ADGRL2: variants seen among roughly 807,000 people sequenced by gnomAD.
The protein encoded by ADGRL2 is adhesion G protein-coupled receptor L2.
ADGRL2 carries 44 observed loss-of-function variants against 157.4 expected under a neutral mutation model. The ratio of observed to expected loss-of-function variants is 0.28; its 90% CI spans 0.22 to 0.36. ADGRL2 has a LOEUF of 0.36. Among genes scored for constraint, ADGRL2 ranks in the 10% least tolerant of loss-of-function variants. The pLI is 1.00. For missense variants in ADGRL2, 1,510 were observed against 1,768.9 expected (o/e 0.85, Z 2.63); for synonymous variants, 585 against 624.7 (o/e 0.94, Z 0.95).
chr1:81,587,384 T>C (rs1007920200), intron 3 of ADGRL2, among the ~76,000 whole-genome samples: 2 of 152,016 alleles, frequency 1.3e-5, no homozygotes, highest in African/African-American at 4.8e-5. Context: ...AAAAAGTTAA[T>C]AAATTAAGCT....
intron 2 of ADGRL2, among the ~76,000 whole-genome samples, chr1:81,791,436 T>C (rs2087340969): frequency 6.6e-6 from 1 of 152,142 alleles, no homozygotes; most frequent in Non-Finnish European, 1.5e-5. Flanking sequence ...GTTTACTGCA[T>C]GCCACAAAAA....
In ADGRL2 at chr1:81,763,238, G is replaced by A. The variant is rs575083309; in HGVS notation, c.-101+1386G>A. 2.6e-5 allele frequency among the ~76,000 whole-genome samples: 4 copies of A among 151,558 alleles called. No individual in the cohort carries two copies. The South Asian group carries it at 6.3e-4, about 24-fold the overall frequency. On this transcript the variant is annotated intron_variant, in intron 2 of 20. Transcript: ENST00000359929. ...AGCATATTTATTATTAGATAAATAC[G>A]TACATATAAAATTGGGAAATACTTC...
intron 1 of ADGRL2, among the ~76,000 whole-genome samples, chr1:81,755,714 T>A (rs1239448364): frequency 6.6e-6 from 1 of 152,146 alleles, no homozygotes; most frequent in Non-Finnish European, 1.5e-5. Context: ...CTACATTCTC[T>A]CTTCTTTAGC....
chr1:81,763,826 G>A (rs554671479), intron 2 of ADGRL2, among the ~76,000 whole-genome samples: 4 of 152,108 alleles, frequency 2.6e-5, no homozygotes, highest in African/African-American at 9.6e-5. Flanking sequence ...GGCTAACATG[G>A]TGAAACCCCG....
At chr1:81,827,386 G>C (rs750969200) in intron 1 of ADGRL2, among the ~76,000 whole-genome samples, 2 of 152,112 alleles carry the variant, frequency 1.3e-5, no homozygotes, top group Non-Finnish European at 2.9e-5. Flanking sequence ...CAGGGGTCTT[G>C]TCCAAACCTC....
At chr1:81,849,452 C>T (rs930513582) in intron 2 of ADGRL2, among the ~76,000 whole-genome samples, 5 of 151,806 alleles carry the variant, frequency 3.3e-5, no homozygotes, top group African/African-American at 4.8e-5. Flanking sequence ...TCCTAACTTA[C>T]GTGAGTAGAT....
In ADGRL2 at chr1:81,450,523, C is replaced by T. The variant is rs536927733; in HGVS notation, c.-248+5434C>T. Among the ~76,000 whole-genome samples, 152 of 152,214 alleles carry T rather than the reference C, an allele frequency of 1.0e-3. 1 individual carries two copies. Among genetic ancestry groups the T allele is most frequent in the African/African-American group, 3.6e-3 (151 of 41,544 alleles). On this transcript the variant is annotated intron_variant, in intron 2 of 24. Coordinates refer to the ADGRL2 transcript ENST00000370721. Reference sequence around the variant, plus strand: ...GCAGAGCCAGGATTTGAACCCACATCTCTCTGAGACCGAAGGCTGTGCTCT... The same window carrying T: ...GCAGAGCCAGGATTTGAACCCACATTTCTCTGAGACCGAAGGCTGTGCTCT...
chr1:81,825,317 G>A (rs1055453473), intron 1 of ADGRL2, among the ~76,000 whole-genome samples: 4 of 151,978 alleles, frequency 2.6e-5, no homozygotes, highest in Admixed American at 6.6e-5. Flanking sequence ...AGCTATGGTC[G>A]TGCCATTGCA....
chr1:81,777,824 C>A (rs1421667969), intron 2 of ADGRL2, among the ~76,000 whole-genome samples: 1 of 152,178 alleles, frequency 6.6e-6, no homozygotes, highest in African/African-American at 2.4e-5. Flanking sequence ...TTCTCACCTT[C>A]CCTAGCTCAT....
intron 1 of ADGRL2, among the ~76,000 whole-genome samples, chr1:81,741,659 C>T (rs976454209): frequency 3.3e-5 from 5 of 151,902 alleles, no homozygotes; most frequent in African/African-American, 9.7e-5. Context: ...GAGAAATCAA[C>T]CAAAGACAAC....
intron 10 of ADGRL2, among the ~76,000 whole-genome samples, chr1:81,954,816 A>G (rs1652952853): frequency 1.3e-5 from 2 of 152,122 alleles, no homozygotes; most frequent in African/African-American, 4.8e-5. Flanking sequence ...GCTTCAAACA[A>G]CTTTCCCCCC....
At chr1:81,573,709 G>A (rs2080741712) in intron 2 of ADGRL2, among the ~76,000 whole-genome samples, 4 of 152,234 alleles carry the variant, frequency 2.6e-5, no homozygotes, top group South Asian at 4.2e-4. Context: ...ATAAGATCAC[G>A]CCATGTTAGT....
chr1:81,697,445 C>CT (rs1000101996), upstream of ADGRL2, among the ~76,000 whole-genome samples: 4 of 152,066 alleles, frequency 2.6e-5, no homozygotes, highest in African/African-American at 9.7e-5. Flanking sequence ...TGCACTAGCA[C>CT]TTTTTTTGCC....
rs111942313 is a variant in ADGRL2, at chr1:81,568,709, T to A, written c.-247-12167T>A. Reference sequence around the variant, plus strand: ...CTCAAACAATCTGCAAAGAATCATATTATTTTGCTATTTATCTTTTATTTT... The same window carrying A: ...CTCAAACAATCTGCAAAGAATCATAATATTTTGCTATTTATCTTTTATTTT... On this transcript the variant is annotated intron_variant, in intron 2 of 24. Coordinates refer to the ADGRL2 transcript ENST00000370721. Among the ~76,000 whole-genome samples, 1,216 of 152,324 alleles carry A rather than the reference T, an allele frequency of 8.0e-3. 9 individuals are homozygous for A. The highest frequency in any genetic ancestry group is 0.021 in the Middle Eastern group (6 of 292).
intron 1 of ADGRL2, among the ~76,000 whole-genome samples, chr1:81,371,172 C>T (rs1042872973): frequency 2.6e-5 from 4 of 152,168 alleles, no homozygotes; most frequent in African/African-American, 9.7e-5. Context: ...TTACATTAGC[C>T]AAGGCTACTA....
At chr1:81,851,804 C>G (rs11163391) in intron 2 of ADGRL2, among the ~76,000 whole-genome samples, 1 of 149,696 alleles carries the variant, frequency 6.7e-6, no homozygotes, top group Non-Finnish European at 1.5e-5. Flanking sequence ...TTATTTTCCA[C>G]GTACGTTTGC....
chr1:81,337,900 G>C (rs1248066556), intron 1 of ADGRL2, among the ~76,000 whole-genome samples: 4 of 152,092 alleles, frequency 2.6e-5, no homozygotes, highest in Non-Finnish European at 5.9e-5. Context: ...TTTGAAAATA[G>C]GGGTACAAAT....
chr1:81,682,078 G>C (rs1288414539), intron 3 of ADGRL2, among the ~76,000 whole-genome samples: 2 of 148,848 alleles, frequency 1.3e-5, no homozygotes, highest in East Asian at 2.0e-4. Flanking sequence ...GGCTCAGTTA[G>C]AAAGTTCCAT....
chr1:81,754,544 C>CTTCT (rs1310312946), intron 1 of ADGRL2, among the ~76,000 whole-genome samples: 1 of 128,364 alleles, frequency 7.8e-6, no homozygotes, highest in Non-Finnish European at 1.6e-5. Flanking sequence ...TCTTTCTTTC[C>CTTCT]TTCTTTCTTT....
Sources: gnomAD v4.1 joint callset for allele counts (sites outside exome capture counted in the v4.1 genomes callset) on GRCh38, gnomAD v4.1.1 for gene constraint, MANE v1.5 for transcripts, NCBI Gene and HGNC (gene_info 2026-07-23, HGNC 2026-07-21) for gene names.